The following MAP2K5 variants were observed in gnomAD, a reference collection of about 807,000 sequenced individuals.
The protein encoded by MAP2K5 is mitogen-activated protein kinase kinase 5.
In MAP2K5, 49 loss-of-function variants were observed where a neutral mutation model predicts 83.1. The ratio of observed to expected loss-of-function variants is 0.59; its 90% CI spans 0.47 to 0.75. The LOEUF is 0.75. MAP2K5 is among the 30% of genes least tolerant of loss of function. The probability of loss-of-function intolerance (pLI) is 0.00; values close to 1 mark genes in which losing one functional copy is unlikely to be tolerated. For synonymous variants in MAP2K5, 202 were observed against 191.8 expected (o/e 1.05, Z -0.44); for missense variants, 457 against 557.5 (o/e 0.82, Z 1.82).
At position 67,769,527 on chromosome 15, in the gene MAP2K5, A is replaced by G. The variant is rs2090101723; in HGVS notation, c.1135-75A>G. On this transcript the variant is annotated intron_variant, in intron 19 of 21. Coordinates refer to ENST00000178640, the MANE Select transcript of MAP2K5 (RefSeq NM_145160.3). This position sits in a 1 kb window ranked among gnomAD's most constrained non-coding sequence, Gnocchi z 5.2. ...ATTCATCTTTATACTCATCCTTCAC[A>G]TGGGTGGGTGGGGAATATAAAGAAA... 2.3e-6 allele frequency: 3 copies of G among 1,299,978 alleles called. No homozygotes were observed. The highest frequency in any genetic ancestry group is 2.4e-5 in the South Asian group (2 of 83,134). The allele number at this position is 1,299,978 out of a possible 1,614,324, so 80.5% of individuals were successfully genotyped here. A position where few individuals can be genotyped will look rare whatever the true frequency, so the allele number is the denominator to read the frequency against.
intron 9 of MAP2K5, chr15:67,641,608 C>T: frequency 1.0e-6 from 1 of 994,278 alleles, no homozygotes; most frequent in African/African-American, 1.7e-5. Flanking sequence ...CTTGACAACT[C>T]ATCCTTATTT....
rs2090419726 is a variant in MAP2K5, at chr15:67,786,470, A to C, written c.1242+13718A>C. Among the ~76,000 whole-genome samples the C allele has an allele frequency of 6.6e-6, 1 of 150,828 alleles. No individual in the cohort carries two copies. Among genetic ancestry groups the C allele is most frequent in the African/African-American group, 2.4e-5 (1 of 41,368 alleles). The stretch of plus-strand genomic sequence containing the variant: ...TGTGAGGTGCCATGATGGGTTCAGA[A>C]AGAATATAAGAAAGACCTATGTCTC... On this transcript the variant is annotated intron_variant, in intron 21 of 21. Transcript: ENST00000178640. This position sits in a 1 kb window ranked among gnomAD's most constrained non-coding sequence, Gnocchi z 4.7.
chr15:67,742,107 G>A (rs986605924), intron 17 of MAP2K5, among the ~76,000 whole-genome samples: 1 of 152,084 alleles, frequency 6.6e-6, no homozygotes, highest in Admixed American at 6.5e-5. Flanking sequence ...TGTTAGCCAG[G>A]ATGGTCATGA....
intron 17 of MAP2K5, among the ~76,000 whole-genome samples, chr15:67,740,862 T>C (rs911415313): frequency 2.0e-5 from 3 of 152,030 alleles, no homozygotes; most frequent in Admixed American, 2.0e-4. Flanking sequence ...ACCCCGTCTC[T>C]ACTAAAAATA....
chr15:67,617,493 A>AT (rs2086080661), intron 8 of MAP2K5, among the ~76,000 whole-genome samples: 1 of 152,192 alleles, frequency 6.6e-6, no homozygotes, highest in Non-Finnish European at 1.5e-5. Context: ...GGGATGATTC[A>AT]TATTTTTTGG....
At chr15:67,743,732 C>G (rs764967002) in intron 17 of MAP2K5, among the ~76,000 whole-genome samples, 2 of 152,180 alleles carry the variant, frequency 1.3e-5, no homozygotes, top group Non-Finnish European at 2.9e-5. Context: ...TAATATCCAG[C>G]ACAGTGCCAG....
intron 2 of MAP2K5, among the ~76,000 whole-genome samples, chr15:67,551,478 A>G (rs950376876): frequency 6.6e-6 from 1 of 152,050 alleles, no homozygotes; most frequent in Non-Finnish European, 1.5e-5. Flanking sequence ...GACTACACGC[A>G]TGCACCACTA....
rs990160305 is a variant in MAP2K5 at position 67,553,770 on chromosome 15, G to A, written c.184+3688G>A. 3.3e-5 allele frequency among the ~76,000 whole-genome samples: 5 copies of A among 151,122 alleles called. No homozygotes were observed. In the South Asian group the frequency reaches 6.3e-4, roughly 19 times the overall value. On this transcript the variant is annotated intron_variant, in intron 2 of 21. Coordinates refer to ENST00000178640, the MANE Select transcript of MAP2K5 (RefSeq NM_145160.3). ...CTACTAAAAATACAAAAAATTAGCC[G>A]GGCGCGGTGGCGGGCGCCTGTAGTC...
chr15:67,653,308 G>A (rs1431777088), intron 11 of MAP2K5, among the ~76,000 whole-genome samples: 2 of 149,920 alleles, frequency 1.3e-5, no homozygotes, highest in Admixed American at 6.6e-5. Context: ...TTTTTGAGAC[G>A]GAGTTCTGCT....
intron 13 of MAP2K5, among the ~76,000 whole-genome samples, chr15:67,669,231 T>A (rs2087464110): frequency 6.6e-6 from 1 of 152,060 alleles, no homozygotes; most frequent in Non-Finnish European, 1.5e-5. Flanking sequence ...ATTCTAGCAG[T>A]GATAGAGTGG....
chr15:67,703,466 GA>G, intron 16 of MAP2K5, 58 bp downstream of exon 16: 1 of 1,352,280 alleles, frequency 7.4e-7, no homozygotes, highest in South Asian at 1.2e-5. Context: ...ATTCAATCAG[GA>G]AAAGTGAAGA....
At chr15:67,789,690 G>C (rs546312951) in intron 21 of MAP2K5, among the ~76,000 whole-genome samples, 55 of 151,146 alleles carry the variant, frequency 3.6e-4, no homozygotes, top group African/African-American at 1.2e-3. Context: ...ACTCCAGCCT[G>C]AGCAACAAGA....
At chr15:67,655,524 A>G (rs1337056979) in intron 11 of MAP2K5, among the ~76,000 whole-genome samples, 3 of 5,466 alleles carry the variant, frequency 5.5e-4, no homozygotes, top group Non-Finnish European at 4.3e-3. Flanking sequence ...TTTTTCTTTC[A>G]TGTTCAAATG....
chr15:67,585,879 T>TA lies in MAP2K5; in HGVS notation c.323-10dup. On this transcript the variant is annotated splice_polypyrimidine_tract_variant and intron_variant, in intron 4 of 21. Transcript: ENST00000178640. ...TGATGTGTTCTACAATTTAGTCAATTACTGTTTCAGCCTGCAAGCCTCCTG... is the reference window on the plus strand; with the variant it reads ...TGATGTGTTCTACAATTTAGTCAATTAACTGTTTCAGCCTGCAAGCCTCCTG... 1 of 1,613,318 alleles carries TA rather than the reference T, an allele frequency of 6.2e-7. No homozygotes were observed. The highest frequency in any genetic ancestry group is 8.5e-7 in the Non-Finnish European group (1 of 1,179,264).
chr15:67,732,589 CT>C (rs758080561), intron 17 of MAP2K5, among the ~76,000 whole-genome samples: 7 of 152,166 alleles, frequency 4.6e-5, no homozygotes, highest in Admixed American at 2.0e-4. Context: ...AATAGTGCCC[CT>C]GGTATTGTAA....
chr15:67,667,836 A>T (rs916921415), intron 13 of MAP2K5, among the ~76,000 whole-genome samples: 1 of 152,160 alleles, frequency 6.6e-6, no homozygotes, highest in Non-Finnish European at 1.5e-5. Context: ...TATATTACAG[A>T]ATTTATTAAA....
Position 67,786,733 on chromosome 15 carries a change from G to A in MAP2K5, c.1242+13981G>A, listed in dbSNP as rs912370580. On this transcript the variant is annotated intron_variant, in intron 21 of 21. Coordinates refer to ENST00000178640, the MANE Select transcript of MAP2K5 (RefSeq NM_145160.3). The surrounding 1 kb of genome is among the most constrained non-coding windows in gnomAD (Gnocchi z 4.7). ...TCCATCCTGCAACATGTTACTGAAC[G>A]CTCTCCACCTCTAGTTGCTTATCTA... 1.3e-5 allele frequency among the ~76,000 whole-genome samples: 2 copies of A among 152,158 alleles called. No homozygotes were observed. The highest frequency in any genetic ancestry group is 2.9e-5 in the Non-Finnish European group (2 of 68,024).
intron 8 of MAP2K5, among the ~76,000 whole-genome samples, chr15:67,621,396 G>C (rs1273038658): frequency 1.2e-5 from 1 of 84,346 alleles, no homozygotes; most frequent in Non-Finnish European, 2.5e-5. Context: ...TAAACCCAAA[G>C]AAAGTGGAAG....
intron 21 of MAP2K5, among the ~76,000 whole-genome samples, chr15:67,787,889 G>C (rs1258017291): frequency 6.6e-6 from 1 of 152,146 alleles, no homozygotes; most frequent in Non-Finnish European, 1.5e-5. Context: ...AGCATGTGCT[G>C]GCAGACCCTA....
Sources: allele counts gnomAD v4.1 joint callset (sites outside exome capture counted in the v4.1 genomes callset), GRCh38; gene constraint gnomAD v4.1.1; non-coding constraint Gnocchi (gnomAD v3.1); transcripts MANE v1.5; gene names NCBI Gene and HGNC (gene_info 2026-07-23, HGNC 2026-07-21).